The following DAB1 variants were observed in gnomAD, a reference collection of about 807,000 sequenced individuals.
DAB1 encodes disabled homolog 1.
DAB1 carries 15 observed loss-of-function variants against 64.6 expected under a neutral mutation model. The ratio of observed to expected loss-of-function variants is 0.23; its 90% CI spans 0.16 to 0.36. The LOEUF is 0.36. Among genes scored for constraint, DAB1 ranks in the 10% least tolerant of loss-of-function variants. DAB1 has a pLI of 1.00. For synonymous variants in DAB1, 235 were observed against 251.9 expected, an observed-to-expected ratio of 0.93 and a Z score of 0.64; for missense variants, 596 against 706.7, an observed-to-expected ratio of 0.84 and a Z score of 1.78.
At chr1:58,313,351 G>C (rs1329189348) in intron 4 of DAB1, among the ~76,000 whole-genome samples, 1 of 152,164 alleles carries the variant, frequency 6.6e-6, no homozygotes, top group Non-Finnish European at 1.5e-5. Flanking sequence ...GGGCAAGAGG[G>C]AGGAGTGGTT....
Position 57,291,175 on chromosome 1 carries a change from C to A in DAB1, c.-136-9G>T. Reference sequence around the variant, plus strand: ...TTCACTCTTTTTGAGTGCTGCAAATCAAGGCAAGAGAACATTCAGAATCAT... The same window carrying A: ...TTCACTCTTTTTGAGTGCTGCAAATAAAGGCAAGAGAACATTCAGAATCAT... On this transcript the variant is annotated splice_polypyrimidine_tract_variant and intron_variant, in intron 1 of 14. Transcript: ENST00000371236. The A allele has an allele frequency of 2.1e-6, 1 of 479,058 alleles. No homozygotes were observed. 29.7% of individuals were successfully genotyped at this position (479,058 alleles called of 1,614,324 possible).
chr1:57,370,625 A>C (rs1680421903), intron 1 of DAB1, among the ~76,000 whole-genome samples: 1 of 152,082 alleles, frequency 6.6e-6, no homozygotes, highest in African/African-American at 2.4e-5. Flanking sequence ...GAAAAAAAAA[A>C]AAACGTGTAA....
At chr1:57,136,507 T>C (rs1211426661) in intron 4 of DAB1, 36 bp downstream of exon 4, 2 of 1,293,724 alleles carry the variant, frequency 1.5e-6, no homozygotes, top group South Asian at 1.6e-5. Flanking sequence ...TGTCAATGGA[T>C]AAAATTTCAC....
At chr1:57,648,853 T>C (rs973766618) in intron 7 of DAB1, among the ~76,000 whole-genome samples, 2 of 152,224 alleles carry the variant, frequency 1.3e-5, no homozygotes, top group African/African-American at 4.8e-5. Flanking sequence ...AATGCTCTGT[T>C]CATCCTAATA....
intron 6 of DAB1, among the ~76,000 whole-genome samples, chr1:57,722,894 C>T (rs892886226): frequency 6.6e-6 from 1 of 152,122 alleles, no homozygotes; most frequent in African/African-American, 2.4e-5. Flanking sequence ...CCTAAATCTC[C>T]CCAACTGAGA....
At chr1:57,700,525 G>A (rs1339122774) in intron 6 of DAB1, among the ~76,000 whole-genome samples, 1 of 152,066 alleles carries the variant, frequency 6.6e-6, no homozygotes, top group Non-Finnish European at 1.5e-5. Flanking sequence ...CTCACTCCTG[G>A]CCTATATGGT....
rs191133719 is a variant in DAB1, at chr1:57,624,345, C to A, written n.625+25247G>T. Among the ~76,000 whole-genome samples, 42 of 152,226 alleles carry A rather than the reference C, an allele frequency of 2.8e-4. 1 individual carries two copies. The highest frequency in any genetic ancestry group is 5.0e-4 in the Non-Finnish European group (34 of 68,030). ...CTCTGCCACTTACCAGCTATATGAC[C>A]TTTCCCAAGTGACTTAAACTCTCAG... On this transcript the variant is annotated intron_variant and non_coding_transcript_variant, in intron 7 of 20. Transcript: ENST00000485760.
intron 4 of DAB1, among the ~76,000 whole-genome samples, chr1:57,072,995 G>C (rs1179101329): frequency 6.6e-6 from 1 of 152,162 alleles, no homozygotes; most frequent in Non-Finnish European, 1.5e-5. Context: ...TTCATTGGTA[G>C]ATCTCTCTGC....
chr1:58,204,811 G>A (rs1401456672), intron 4 of DAB1, among the ~76,000 whole-genome samples: 2 of 152,148 alleles, frequency 1.3e-5, no homozygotes. Context: ...AATGGCATCT[G>A]CTACACCTGT....
rs1644364866 is a variant in DAB1, at chr1:57,894,464, C to T, written n.388-10302G>A. On this transcript the variant is annotated intron_variant and non_coding_transcript_variant, in intron 5 of 20. Coordinates refer to the DAB1 transcript ENST00000485760. ...TTGATCCCACAAAGATGAGGAAATGCCAACCTCCTGAATCGCCAGGAGAGA... is the reference window on the plus strand; with the variant it reads ...TTGATCCCACAAAGATGAGGAAATGTCAACCTCCTGAATCGCCAGGAGAGA... 4.6e-5 allele frequency among the ~76,000 whole-genome samples: 7 copies of T among 152,244 alleles called. No individual in the cohort carries two copies. In the South Asian group the frequency reaches 1.5e-3, roughly 32 times the overall value.
chr1:57,457,704 T>C (rs779603935), intron 7 of DAB1, among the ~76,000 whole-genome samples: 3 of 152,060 alleles, frequency 2.0e-5, no homozygotes, highest in South Asian at 2.1e-4. Context: ...CTGGGAACAA[T>C]GGAATTTGTG....
chr1:57,677,575 A>C lies in DAB1; in HGVS notation n.552-27910T>G, dbSNP rs924368885. ...CTTGGGTGACAGTAGCATTCATACC[A>C]CGTGGCAATGATCTGTTTTCCCCAC... On this transcript the variant is annotated intron_variant and non_coding_transcript_variant, in intron 6 of 20. Coordinates refer to the DAB1 transcript ENST00000485760. Among the ~76,000 whole-genome samples, 3 of 152,172 alleles carry C rather than the reference A, an allele frequency of 2.0e-5. No homozygotes were observed. In the East Asian group the frequency reaches 5.8e-4, roughly 29 times the overall value.
intron 6 of DAB1, among the ~76,000 whole-genome samples, chr1:57,801,698 C>T (rs1387542555): frequency 6.6e-6 from 1 of 151,748 alleles, no homozygotes; most frequent in East Asian, 1.9e-4. Flanking sequence ...TACTGTGTTG[C>T]CCAGGCTGGA....
At chr1:58,033,594 T>C (rs1647001340) in intron 5 of DAB1, among the ~76,000 whole-genome samples, 1 of 152,218 alleles carries the variant, frequency 6.6e-6, no homozygotes, top group Non-Finnish European at 1.5e-5. Flanking sequence ...ACAATACTAC[T>C]AGTGTTCAAG....
At chr1:57,070,995 T>C in intron 7 of DAB1, 28 bp downstream of exon 7, 1 of 1,602,778 alleles carries the variant, frequency 6.2e-7, no homozygotes, top group Non-Finnish European at 8.5e-7. Flanking sequence ...CTCTTGAATC[T>C]AAAACCCCGA....
intron 7 of DAB1, among the ~76,000 whole-genome samples, chr1:57,631,933 T>C (rs1038266460): frequency 1.3e-5 from 2 of 152,128 alleles, no homozygotes; most frequent in Admixed American, 6.6e-5. Flanking sequence ...TGATAGATGG[T>C]AATTGGGTAT....
chr1:57,000,227 G>A (rs1645804926), intron 14 of DAB1, among the ~76,000 whole-genome samples: 1 of 151,882 alleles, frequency 6.6e-6, no homozygotes, highest in Admixed American at 6.6e-5. Flanking sequence ...ATATTTTTTA[G>A]TACAGACAGG....
chr1:57,923,006 T>C (rs1278099647), intron 5 of DAB1, among the ~76,000 whole-genome samples: 4 of 151,294 alleles, frequency 2.6e-5, no homozygotes, highest in African/African-American at 9.7e-5. Context: ...TCCTTTTCCT[T>C]CCTTCCTTCT....
At chr1:57,507,259 T>A (rs983241049) in intron 7 of DAB1, among the ~76,000 whole-genome samples, 3 of 152,198 alleles carry the variant, frequency 2.0e-5, no homozygotes, top group Non-Finnish European at 4.4e-5. Flanking sequence ...ACTGCATGCA[T>A]GTGCCGTCTC....
Sources: gnomAD v4.1 joint callset for allele counts (sites outside exome capture counted in the v4.1 genomes callset) on GRCh38, gnomAD v4.1.1 for gene constraint, MANE v1.5 for transcripts, NCBI Gene and HGNC (gene_info 2026-07-23, HGNC 2026-07-21) for gene names.